The following CSMD3 variants were observed in gnomAD, a reference collection of about 807,000 sequenced individuals.
CSMD3 encodes CUB and Sushi multiple domains 3, also known as CUB and sushi domain-containing protein 3.
A neutral mutation model predicts 435.2 loss-of-function variants in CSMD3; 177 were observed. The ratio of observed to expected loss-of-function variants is 0.41; its 90% CI spans 0.36 to 0.46. The LOEUF (loss-of-function observed/expected upper bound fraction) is 0.46, where lower values mean the gene tolerates loss of function less well. Ranked by LOEUF, CSMD3 falls within the 20% of genes least tolerant of loss-of-function variation. The probability of loss-of-function intolerance (pLI) is 0.34; values close to 1 mark genes in which losing one functional copy is unlikely to be tolerated. For missense variants in CSMD3, 4,265 were observed against 4,504.6 expected (o/e 0.95, Z 1.52); for synonymous variants, 1,656 against 1,520.5 (o/e 1.09, Z -2.07).
chr8:112,553,440 A>G (rs186216449), intron 25 of CSMD3, among the ~76,000 whole-genome samples: 1 of 152,078 alleles, frequency 6.6e-6, no homozygotes, highest in African/African-American at 2.4e-5. Context: ...CAACCTAGAA[A>G]GAGTCTCTGT....
chr8:112,356,724 T>G (rs925859376), intron 38 of CSMD3, among the ~76,000 whole-genome samples: 1 of 151,862 alleles, frequency 6.6e-6, no homozygotes, highest in South Asian at 2.1e-4. Context: ...GTGAATAAGT[T>G]TCATGAGTAC....
chr8:112,501,883 T>C (rs1822002864), intron 30 of CSMD3, among the ~76,000 whole-genome samples: 1 of 152,160 alleles, frequency 6.6e-6, no homozygotes, highest in Non-Finnish European at 1.5e-5. Flanking sequence ...AAGCTATATG[T>C]TTCTAATTTT....
At position 112,482,071 on chromosome 8, in the gene CSMD3, T is replaced by C. The variant is rs562494922; in HGVS notation, c.5279-9364A>G. On this transcript the variant is annotated intron_variant, in intron 31 of 70. Coordinates refer to ENST00000297405, the MANE Select transcript of CSMD3 (RefSeq NM_198123.2). ...CTTATAAACCATTTTAATGACTCAA[T>C]AAGTCATGTTAGGATGTAAGCTTCT... Among the ~76,000 whole-genome samples the C allele has an allele frequency of 8.6e-4, 131 of 152,250 alleles. 1 individual carries two copies. The highest frequency in any genetic ancestry group is 3.0e-3 in the African/African-American group (123 of 41,566).
intron 10 of CSMD3, among the ~76,000 whole-genome samples, chr8:112,910,443 T>C (rs1349876817): frequency 1.3e-5 from 2 of 151,812 alleles, no homozygotes; most frequent in African/African-American, 4.8e-5. Context: ...GAATGATGCC[T>C]TCTTCCATTT....
chr8:112,922,293 T>A (rs766559983), intron 9 of CSMD3, among the ~76,000 whole-genome samples: 1 of 151,980 alleles, frequency 6.6e-6, no homozygotes, highest in Admixed American at 6.6e-5. Flanking sequence ...TTTCATGAAG[T>A]CATGCAATAC....
intron 10 of CSMD3, among the ~76,000 whole-genome samples, chr8:112,867,863 T>C (rs1175571100): frequency 6.6e-6 from 1 of 152,104 alleles, no homozygotes; most frequent in East Asian, 1.9e-4. Context: ...GATATAACTA[T>C]AAATTGTTTT....
rs528627659 is a variant in CSMD3 at position 113,045,839 on chromosome 8, A to G, written c.918-26660T>C. Among the ~76,000 whole-genome samples the G allele has an allele frequency of 8.5e-4, 127 of 149,550 alleles. 1 individual carries two copies. Among genetic ancestry groups the G allele is most frequent in the African/African-American group, 2.9e-3 (118 of 41,394 alleles). ...TGTTTTTAATATTAGACGGAAGAGT[A>G]CAAATTCTAAATACTAAGTTTTTTT... On this transcript the variant is annotated intron_variant, in intron 5 of 70. Coordinates refer to ENST00000297405, the MANE Select transcript of CSMD3 (RefSeq NM_198123.2).
chr8:112,662,237 A>G (rs530485908), intron 17 of CSMD3, among the ~76,000 whole-genome samples: 3 of 152,198 alleles, frequency 2.0e-5, no homozygotes, highest in Non-Finnish European at 4.4e-5. Flanking sequence ...CCAAAAGAAC[A>G]AAGCTGGAGG....
chr8:113,304,988 C>T (rs2093807364), intron 2 of CSMD3, among the ~76,000 whole-genome samples: 1 of 147,926 alleles, frequency 6.8e-6, no homozygotes, highest in African/African-American at 2.5e-5. Context: ...ATGATGAGTT[C>T]ATGTCCTTTG....
intron 1 of CSMD3, among the ~76,000 whole-genome samples, chr8:113,317,011 T>C (rs1198447145): frequency 6.6e-6 from 1 of 152,088 alleles, no homozygotes; most frequent in Non-Finnish European, 1.5e-5. Flanking sequence ...CCTGGGATAT[T>C]TGGTATGTTT....
chr8:112,639,044 T>G, intron 20 of CSMD3, 133 bp from the exon 21 acceptor site: 1 of 648,416 alleles, frequency 1.5e-6, no homozygotes, highest in Non-Finnish European at 2.7e-6. Flanking sequence ...TGCTATAAAA[T>G]ATTCCAAATA....
At chr8:112,912,237 C>T (rs959352840) in intron 10 of CSMD3, among the ~76,000 whole-genome samples, 1 of 151,088 alleles carries the variant, frequency 6.6e-6, no homozygotes, top group East Asian at 2.0e-4. Flanking sequence ...GTAGATATGT[C>T]TTGGACATAC....
At chr8:112,468,142 T>C (rs920251344) in intron 32 of CSMD3, among the ~76,000 whole-genome samples, 1 of 152,122 alleles carries the variant, frequency 6.6e-6, no homozygotes, top group African/African-American at 2.4e-5. Context: ...TTAATCCAGA[T>C]ATTTTGTTGC....
chr8:112,714,889 A>T (rs2131938443), intron 13 of CSMD3, among the ~76,000 whole-genome samples: 1 of 152,306 alleles, frequency 6.6e-6, no homozygotes, highest in East Asian at 1.9e-4. Context: ...GAATAAAGAG[A>T]CAACATACCA....
intron 9 of CSMD3, among the ~76,000 whole-genome samples, chr8:112,927,672 C>A (rs1384870243): frequency 3.3e-5 from 5 of 152,196 alleles, no homozygotes; most frequent in Admixed American, 2.6e-4. Context: ...CAAAGTATTT[C>A]ATCTCATACC....
At chr8:112,745,286 C>T (rs1047572900) in intron 13 of CSMD3, among the ~76,000 whole-genome samples, 1 of 151,874 alleles carries the variant, frequency 6.6e-6, no homozygotes, top group African/African-American at 2.4e-5. Flanking sequence ...TGTGTAGTTC[C>T]TAGGTTTTCT....
At chr8:112,511,631 C>A (rs1823148858) in intron 28 of CSMD3, among the ~76,000 whole-genome samples, 1 of 151,936 alleles carries the variant, frequency 6.6e-6, no homozygotes, top group Non-Finnish European at 1.5e-5. Flanking sequence ...ACCTTGTGAT[C>A]CGCTCGTCTC....
intron 13 of CSMD3, among the ~76,000 whole-genome samples, chr8:112,773,925 C>T (rs1191995636): frequency 6.6e-6 from 1 of 151,964 alleles, no homozygotes; most frequent in Non-Finnish European, 1.5e-5. Flanking sequence ...TATAGTTTTC[C>T]AATCTACATT....
chr8:112,361,604 TATATA>T (rs1563841220), intron 38 of CSMD3, among the ~76,000 whole-genome samples: 19 of 133,284 alleles, frequency 1.4e-4, no homozygotes, highest in African/African-American at 5.4e-4. Flanking sequence ...TATATATATA[TATATA>T]TATATATATA....
Sources: gnomAD v4.1 joint callset for allele counts (sites outside exome capture counted in the v4.1 genomes callset) on GRCh38, gnomAD v4.1.1 for gene constraint, MANE v1.5 for transcripts, NCBI Gene and HGNC (gene_info 2026-07-23, HGNC 2026-07-21) for gene names.